Variants in RBBP6 observed in about 807,000 individuals in gnomAD.
The protein encoded by RBBP6 is E3 ubiquitin-protein ligase RBBP6.
RBBP6 carries 25 observed loss-of-function variants against 167.7 expected under a neutral mutation model. That is an observed-to-expected ratio of 0.15 (90% CI 0.11 to 0.21). The LOEUF is 0.21. Ranked by LOEUF, RBBP6 falls within the 10% of genes least tolerant of loss-of-function variation. The pLI, the probability that RBBP6 is intolerant of heterozygous loss-of-function variation, is 1.00. For synonymous variants in RBBP6, 789 were observed against 735.8 expected (o/e 1.07, Z -1.17); for missense variants, 1,868 against 2,134.2 (o/e 0.88, Z 2.46).
intron 1 of RBBP6, among the ~76,000 whole-genome samples, chr16:24,542,362 A>G (rs1173866063): frequency 6.6e-6 from 1 of 152,190 alleles, no homozygotes; most frequent in African/African-American, 2.4e-5. Context: ...TTTAATCGTC[A>G]TATATTCAGG....
At chr16:24,564,965 C>A in intron 14 of RBBP6, 100 bp downstream of exon 14, 1 of 1,487,856 alleles carries the variant, frequency 6.7e-7, no homozygotes, top group South Asian at 1.4e-5. Flanking sequence ...GGAAGGGGGT[C>A]ATTTGTTTGT....
Position 24,569,866 on chromosome 16 carries a change from T to C in RBBP6, c.3176T>C (p.Ile1059Thr). Residue 1059 changes from isoleucine (I) to threonine (T), a missense_variant, in exon 17 of 18, where the codon ATT (isoleucine) becomes ACT (threonine). By Grantham distance (89) the Ile-to-Thr change is moderately conservative. Transcript: ENST00000319715. ...RERSPRSEPP[I>T]KKAKEETPKT... ...AGATCTCCTCGATCTGAACCTCCAA[T>C]TAAAAAAGCCAAAGAGGAGACTCCG... 6.2e-7 allele frequency: 1 copy of C among 1,610,292 alleles called. No individual in the cohort carries two copies. The highest frequency in any genetic ancestry group is 8.5e-7 in the Non-Finnish European group (1 of 1,179,176).
intron 2 of RBBP6, among the ~76,000 whole-genome samples, chr16:24,548,254 A>G (rs978021499): frequency 6.6e-6 from 1 of 151,358 alleles, no homozygotes; most frequent in Non-Finnish European, 1.5e-5. Flanking sequence ...CATTTAAGTC[A>G]GTTCTTTTAA....
intron 13 of RBBP6, among the ~76,000 whole-genome samples, chr16:24,564,366 A>G (rs1400689466): frequency 6.6e-6 from 1 of 152,182 alleles, no homozygotes; most frequent in Non-Finnish European, 1.5e-5. Flanking sequence ...TTCATTTCCT[A>G]GCTGCATGAC....
At chr16:24,560,111 GTTTTT>G (rs1555472777) in intron 8 of RBBP6, among the ~76,000 whole-genome samples, 2 of 74,010 alleles carry the variant, frequency 2.7e-5, no homozygotes, top group Admixed American at 1.6e-4. Flanking sequence ...GACAGTTTTT[GTTTTT>G]TTTTTTTTTT....
chr16:24,571,186 C>G lies in RBBP6; in HGVS notation c.4120C>G (p.Gln1374Glu), dbSNP rs1464331759. 2 of 1,613,724 alleles carry G rather than the reference C, an allele frequency of 1.2e-6. No individual in the cohort carries two copies. Among genetic ancestry groups the G allele is most frequent in the South Asian group, 2.2e-5 (2 of 91,066 alleles). Residue 1374 changes from glutamine (Q) to glutamate (E), a missense_variant, in exon 18 of 18, where the codon CAG (glutamine) becomes GAG (glutamate). Gln to Glu is a conservative substitution (Grantham distance 29). Transcript: ENST00000319715. ...AGAAAGTGAGCCATCCGAGAAAATT[C>G]AGAAATTCACCAAGGACGTGAGCCA... ...EKESEPSEKI[Q>E]KFTKDVSHEI...
Position 24,571,432 on chromosome 16 carries a change from C to T in RBBP6, c.4366C>T (p.His1456Tyr). The T allele has an allele frequency of 6.2e-7, 1 of 1,613,360 alleles. No individual in the cohort carries two copies. ...SSKEARTSDK[H>Y]DSTRASSNKD... is the part of the protein sequence containing the mutation. ...CAAAGAGGCTAGAACGTCAGATAAA[C>T]ATGATTCCACTCGTGCTTCCTCAAA... Residue 1456 changes from histidine (H) to tyrosine (Y), a missense_variant, in exon 18 of 18, where the codon CAT becomes TAT. Transcript: ENST00000319715.
rs773622494 is a variant in RBBP6, at chr16:24,567,428, A to G, written c.1875A>G (p.Ser625=). 2 of 1,614,178 alleles carry G rather than the reference A, an allele frequency of 1.2e-6. No homozygotes were observed. Among genetic ancestry groups the G allele is most frequent in the Non-Finnish European group, 8.5e-7 (1 of 1,180,002 alleles). Residue 625 remains serine, a synonymous_variant, in exon 15 of 18, where the codon TCA becomes TCG. Transcript: ENST00000319715. ...WVSSGVQTAH[S]NTIPTTQAPP... is the part of the protein sequence containing the mutation. The stretch of plus-strand genomic sequence containing the variant: ...CATCAGGAGTGCAGACAGCTCATTC[A>G]AATACCATCCCAACAACACAAGCAC...
At position 24,540,339 on chromosome 16, in the gene RBBP6, G is replaced by A. The variant is rs551614849; in HGVS notation, c.-288G>A. On this transcript the variant is annotated 5_prime_UTR_variant, in exon 1 of 18. Transcript: ENST00000319715. ...GCCGGCCCCTTAGCATGAGCGAGGG[G>A]GACCCAGCCGGGTGACATTGTGCCC... The A allele has an allele frequency of 1.0e-5, 3 of 300,220 alleles. No homozygotes were observed. Among genetic ancestry groups the A allele is most frequent in the South Asian group, 4.6e-5 (1 of 21,734 alleles). The allele number at this position is 300,220 out of a possible 1,614,324, so 18.6% of individuals were successfully genotyped here.
intron 15 of RBBP6, 120 bp downstream of exon 15, chr16:24,567,625 T>A: frequency 7.4e-7 from 1 of 1,351,442 alleles, no homozygotes; most frequent in Non-Finnish European, 1.0e-6. Context: ...ACCTAAAATT[T>A]AAACCAAAGC....
At chr16:24,551,383 C>T (rs1172278829) in intron 3 of RBBP6, among the ~76,000 whole-genome samples, 1 of 151,624 alleles carries the variant, frequency 6.6e-6, no homozygotes, top group Non-Finnish European at 1.5e-5. Flanking sequence ...ATTTTTAAAC[C>T]ATTCTTTGTC....
chr16:24,558,492 G>T (rs1898972323), intron 7 of RBBP6: 1 of 985,124 alleles, frequency 1.0e-6, no homozygotes, highest in Admixed American at 6.2e-5. Context: ...TGGAATCGTG[G>T]TGATGTCTAT....
chr16:24,561,560 A>G, intron 8 of RBBP6, 52 bp from the exon 9 acceptor site: 2 of 1,431,078 alleles, frequency 1.4e-6, no homozygotes, highest in East Asian at 4.6e-5. Flanking sequence ...CATTTCGTAA[A>G]CACTTTGAGT....
intron 8 of RBBP6, among the ~76,000 whole-genome samples, chr16:24,560,122 T>G (rs1168353970): frequency 6.7e-6 from 1 of 149,776 alleles, no homozygotes; most frequent in Non-Finnish European, 1.5e-5. Context: ...TTTTTTTTTT[T>G]TTTTTTTGAG....
At chr16:24,541,390 C>T (rs908496896) in intron 1 of RBBP6, among the ~76,000 whole-genome samples, 1 of 152,094 alleles carries the variant, frequency 6.6e-6, no homozygotes, top group African/African-American at 2.4e-5. Context: ...TTGAAATGTT[C>T]TGATGTCACC....
intron 6 of RBBP6, 69 bp from the exon 7 acceptor site, chr16:24,556,236 CATT>C (rs993690113): frequency 1.8e-5 from 23 of 1,259,924 alleles, no homozygotes; most frequent in Non-Finnish European, 2.5e-5. Context: ...CACTGTATAA[CATT>C]AGCTAATTTA....
At chr16:24,558,820 G>T (rs1191545333) in intron 7 of RBBP6, among the ~76,000 whole-genome samples, 1 of 152,046 alleles carries the variant, frequency 6.6e-6, no homozygotes, top group African/African-American at 2.4e-5. Flanking sequence ...TTGTAACACC[G>T]ATTTTGATCA....
At position 24,569,471 on chromosome 16, in the gene RBBP6, T is replaced by A; in HGVS notation, c.2781T>A (p.Asp927Glu). 6.2e-7 allele frequency: 1 copy of A among 1,610,696 alleles called. No individual in the cohort carries two copies. The highest frequency in any genetic ancestry group is 8.5e-7 in the Non-Finnish European group (1 of 1,179,226). ...AGGAGAGTGAAAACGCTCCAGGAGATGGTAAAGGAAATAAGCATAAGAAAC... is the reference window on the plus strand; with the variant it reads ...AGGAGAGTGAAAACGCTCCAGGAGAAGGTAAAGGAAATAAGCATAAGAAAC... Reference protein sequence around the residue: ...KEKESENAPGDGKGNKHKKHR... With the variant: ...KEKESENAPGEGKGNKHKKHR... The change falls in exon 17 of 18, where the codon GAT becomes GAA. Residue 927 changes from aspartate to glutamate, a missense_variant. This residue lies in a region of RBBP6 where 673 missense variants were observed against 691.5 expected (regional missense o/e 0.97). Coordinates refer to ENST00000319715, the MANE Select transcript of RBBP6 (RefSeq NM_006910.5).
intron 3 of RBBP6, among the ~76,000 whole-genome samples, chr16:24,552,513 A>G (rs1898820692): frequency 6.6e-6 from 1 of 151,932 alleles, no homozygotes; most frequent in Admixed American, 6.6e-5. Flanking sequence ...ATTGTTTGCT[A>G]AAGATTTTTT....
Sources: gnomAD v4.1 joint callset for allele counts (sites outside exome capture counted in the v4.1 genomes callset) on GRCh38, gnomAD v4.1.1 for gene constraint, gnomAD v4.1.1 regional missense constraint, MANE v1.5 for transcripts, NCBI Gene and HGNC (gene_info 2026-07-23, HGNC 2026-07-21) for gene names.